SAE1: variants seen among roughly 807,000 people sequenced by gnomAD.
SAE1 encodes the protein SUMO1 activating enzyme subunit 1, also known as SUMO-activating enzyme subunit 1.
Under a neutral mutation model 40.6 loss-of-function variants are expected in SAE1, and 11 were observed. The observed-to-expected ratio is 0.27, with a 90% CI of 0.17 to 0.45. The LOEUF (loss-of-function observed/expected upper bound fraction) is 0.45. Ranked by LOEUF, SAE1 falls within the 20% of genes least tolerant of loss-of-function variation. The probability of loss-of-function intolerance (pLI) is 1.00; values close to 1 mark genes in which losing one functional copy is unlikely to be tolerated. For synonymous variants in SAE1, 155 were observed against 154.3 expected (o/e 1.00, Z -0.03); for missense variants, 373 against 427.3 (o/e 0.87, Z 1.12).
At chr19:47,178,060 G>A (rs1007632825) in intron 6 of SAE1, among the ~76,000 whole-genome samples, 2 of 152,064 alleles carry the variant, frequency 1.3e-5, no homozygotes, top group Non-Finnish European at 2.9e-5. Context: ...GGCCAACATA[G>A]TGAAACCCCA....
At chr19:47,182,463 T>TTGTGTG (rs1568603017) in intron 6 of SAE1, among the ~76,000 whole-genome samples, 1 of 97,848 alleles carries the variant, frequency 1.0e-5, no homozygotes, top group Non-Finnish European at 2.1e-5. Context: ...GAAAAAAGCG[T>TTGTGTG]AGTGTGTGTG....
chr19:47,158,410 C>T (rs887343024), intron 5 of SAE1, among the ~76,000 whole-genome samples: 5 of 152,112 alleles, frequency 3.3e-5, no homozygotes, highest in African/African-American at 4.8e-5. Context: ...AGATTTGAGA[C>T]GGATTTCGTC....
intron 2 of SAE1, among the ~76,000 whole-genome samples, chr19:47,144,586 C>T (rs948491960): frequency 6.6e-6 from 1 of 151,708 alleles, no homozygotes; most frequent in East Asian, 2.0e-4. Flanking sequence ...GTGGTCCCAG[C>T]TACTCGGGAG....
intron 1 of SAE1, among the ~76,000 whole-genome samples, chr19:47,131,993 G>A (rs553312696): frequency 4.6e-5 from 7 of 151,856 alleles, no homozygotes; most frequent in African/African-American, 1.7e-4. Flanking sequence ...GAGCCACCGC[G>A]CCAGGACGTC....
chr19:47,202,887 G>C (rs1438123350), intron 7 of SAE1, among the ~76,000 whole-genome samples: 1 of 152,170 alleles, frequency 6.6e-6, no homozygotes, highest in Admixed American at 6.5e-5. Context: ...TCCAGCCTGG[G>C]TGACAGAGCG....
At chr19:47,164,154 G>T (rs2058375412) in intron 5 of SAE1, among the ~76,000 whole-genome samples, 1 of 152,004 alleles carries the variant, frequency 6.6e-6, no homozygotes, top group Admixed American at 6.6e-5. Flanking sequence ...TGGAGCACAT[G>T]ATTTTATTTT....
intron 7 of SAE1, among the ~76,000 whole-genome samples, chr19:47,198,203 G>A (rs577081378): frequency 1.3e-5 from 2 of 152,162 alleles, no homozygotes; most frequent in South Asian, 4.1e-4. Context: ...TCTGCCGCCT[G>A]GGTCCAAGCG....
chr19:47,164,670 A>C (rs1381213799), intron 5 of SAE1, among the ~76,000 whole-genome samples: 1 of 90,862 alleles, frequency 1.1e-5, no homozygotes, highest in Admixed American at 1.6e-4. Context: ...TTTTTTTGAG[A>C]CAGAGTCTTT....
intron 1 of SAE1, among the ~76,000 whole-genome samples, chr19:47,134,409 G>C (rs1302186731): frequency 6.6e-6 from 1 of 151,930 alleles, no homozygotes; most frequent in Non-Finnish European, 1.5e-5. Context: ...TTGATGGGGT[G>C]GGGGGATGTC....
intron 6 of SAE1, among the ~76,000 whole-genome samples, chr19:47,184,720 C>T (rs551756591): frequency 4.5e-4 from 68 of 151,946 alleles, no homozygotes; most frequent in Non-Finnish European, 7.9e-4. Context: ...CTCGTTCTGT[C>T]GTATTTTTTT....
chr19:47,143,304 C>T (rs574868840), intron 1 of SAE1, among the ~76,000 whole-genome samples, 190 bp from the exon 2 acceptor site: 15 of 152,176 alleles, frequency 9.9e-5, no homozygotes, highest in African/African-American at 3.1e-4. Flanking sequence ...GGGGTTTCAC[C>T]GTGTTGGTCA....
At chr19:47,176,589 C>T (rs887980629) in intron 6 of SAE1, among the ~76,000 whole-genome samples, 2 of 152,200 alleles carry the variant, frequency 1.3e-5, no homozygotes, top group Admixed American at 1.3e-4. Flanking sequence ...TGCATGCCTA[C>T]CCCTGTGGCA....
chr19:47,155,041 G>C, intron 4 of SAE1, 73 bp from the exon 5 acceptor site: 2 of 942,804 alleles, frequency 2.1e-6, no homozygotes, highest in African/African-American at 1.6e-5. Context: ...CTGTGACCTG[G>C]AGAGGCTTTT....
chr19:47,131,930 A>T (rs1051514615), intron 1 of SAE1, among the ~76,000 whole-genome samples: 1 of 151,128 alleles, frequency 6.6e-6, no homozygotes, highest in Admixed American at 6.6e-5. Context: ...CGATCTCCTT[A>T]CCTCAAGTGA....
chr19:47,160,323 G>A (rs375119446), intron 5 of SAE1, among the ~76,000 whole-genome samples: 1 of 143,382 alleles, frequency 7.0e-6, no homozygotes, highest in Non-Finnish European at 1.5e-5. Context: ...CCGGGTTTAA[G>A]CGATTCTCCT....
At chr19:47,204,155 C>T (rs1429480674) in intron 8 of SAE1, among the ~76,000 whole-genome samples, 1 of 140,284 alleles carries the variant, frequency 7.1e-6, no homozygotes. Flanking sequence ...TACAGTTTAT[C>T]TCTATTCATC....
chr19:47,174,243 A>G (rs936000312), intron 6 of SAE1, among the ~76,000 whole-genome samples: 6 of 150,426 alleles, frequency 4.0e-5, no homozygotes, highest in African/African-American at 1.2e-4. Flanking sequence ...GGCTTTGGAT[A>G]TGGTAATCAA....
At chr19:47,187,284 C>G (rs1261568959) in intron 6 of SAE1, among the ~76,000 whole-genome samples, 4 of 152,170 alleles carry the variant, frequency 2.6e-5, no homozygotes, top group Admixed American at 2.0e-4. Flanking sequence ...ATGGACTGTT[C>G]TGCACCCTAG....
intron 5 of SAE1, among the ~76,000 whole-genome samples, chr19:47,157,227 C>T (rs2058329864): frequency 6.6e-6 from 1 of 152,140 alleles, no homozygotes; most frequent in South Asian, 2.1e-4. Context: ...AGTGTCTATT[C>T]ACAGAACCAT....
Sources: allele counts gnomAD v4.1 joint callset (sites outside exome capture counted in the v4.1 genomes callset), GRCh38; gene constraint gnomAD v4.1.1; transcripts MANE v1.5; gene names NCBI Gene and HGNC (gene_info 2026-07-23, HGNC 2026-07-21).